LCA5: variants seen among roughly 807,000 people sequenced by gnomAD.
LCA5 encodes the protein lebercilin.
In LCA5, 37 loss-of-function variants were observed where a neutral mutation model predicts 53.0. That is an observed-to-expected ratio of 0.70 (90% confidence interval 0.54 to 0.92). LCA5 has a LOEUF of 0.92. Ranked by LOEUF, LCA5 falls within the 40% of genes least tolerant of loss-of-function variation. The pLI is 0.00. For missense variants in LCA5, 806 were observed against 790.5 expected (o/e 1.02, Z -0.23); for synonymous variants, 303 against 282.9 (o/e 1.07, Z -0.71).
At chr6:79,525,989 G>C (rs1277726293) in intron 1 of LCA5, among the ~76,000 whole-genome samples, 1 of 152,188 alleles carries the variant, frequency 6.6e-6, no homozygotes, top group African/African-American at 2.4e-5. Context: ...GGTGTATAGG[G>C]ATTTATACCC....
At chr6:79,498,243 A>G (rs1042561349) in intron 3 of LCA5, among the ~76,000 whole-genome samples, 21 of 152,090 alleles carry the variant, frequency 1.4e-4, no homozygotes, top group African/African-American at 4.3e-4. Flanking sequence ...CATGCATATT[A>G]TAAGACAAAT....
chr6:79,491,802 GTATA>G, intron 5 of LCA5, 72 bp from the exon 6 acceptor site: 1 of 1,159,430 alleles, frequency 8.6e-7, no homozygotes. Context: ...CAGCTGGCAT[GTATA>G]TATATATATG....
intron 1 of LCA5, among the ~76,000 whole-genome samples, chr6:79,535,112 T>C (rs1008823935): frequency 2.6e-5 from 4 of 152,196 alleles, no homozygotes; most frequent in African/African-American, 9.6e-5. Context: ...GTGTGTCTAC[T>C]GAAAAAAATG....
intron 3 of LCA5, among the ~76,000 whole-genome samples, chr6:79,510,163 A>T (rs549419923): frequency 1.3e-5 from 2 of 152,242 alleles, no homozygotes; most frequent in South Asian, 2.1e-4. Flanking sequence ...ATAGACACAC[A>T]GATCAACAGA....
At position 79,491,644 on chromosome 6, in the gene LCA5, G is replaced by T; in HGVS notation, c.1042C>A (p.Pro348Thr). Residue 348 changes from proline (P) to threonine (T), a missense_variant, in exon 6 of 8, where the codon CCA (proline) becomes ACA (threonine). Coordinates refer to ENST00000369846, the MANE Select transcript of LCA5 (RefSeq NM_001122769.3). ...DFKPEEYPLT[P>T]ETIMCYENKW... ...TTTTCGTAACACATAATTGTTTCTG[G>T]AGTTAAAGGATATTCTTCTGGCTTG... 1 of 1,613,120 alleles carries T rather than the reference G, an allele frequency of 6.2e-7. No individual in the cohort carries two copies. The highest frequency in any genetic ancestry group is 1.1e-5 in the South Asian group (1 of 91,064).
At chr6:79,494,044 C>T (rs889009040) in intron 3 of LCA5, among the ~76,000 whole-genome samples, 3 of 151,972 alleles carry the variant, frequency 2.0e-5, no homozygotes, top group Non-Finnish European at 4.4e-5. Flanking sequence ...GCAGGAGGAG[C>T]TCTTGAGACC....
intron 3 of LCA5, among the ~76,000 whole-genome samples, chr6:79,497,956 CAAAAAAAA>C (rs34167121): frequency 1.1e-5 from 1 of 92,780 alleles, no homozygotes; most frequent in African/African-American, 3.8e-5. Context: ...GACTCCATCT[CAAAAAAAA>C]AAAAAAAAAG....
intron 5 of LCA5, 57 bp from the exon 6 acceptor site, chr6:79,491,787 G>A (rs543483152): frequency 1.4e-6 from 2 of 1,462,976 alleles, no homozygotes; most frequent in South Asian, 2.3e-5. Context: ...AAAATATATG[G>A]AATTCAGCTG....
rs772807064 is a variant in LCA5, at chr6:79,487,880, A to G, written c.1232-14T>C. On this transcript the variant is annotated splice_polypyrimidine_tract_variant and intron_variant, in intron 7 of 7. Coordinates refer to ENST00000369846, the MANE Select transcript of LCA5 (RefSeq NM_001122769.3). The stretch of plus-strand genomic sequence containing the variant: ...CTCTTTCCCATTCTGTATGAAATCA[A>G]ATTTTTTAAATGGGATTTTGTAACA... The G allele has an allele frequency of 9.5e-6, 15 of 1,581,340 alleles. No individual in the cohort carries two copies. The highest frequency in any genetic ancestry group is 1.3e-5 in the Non-Finnish European group (15 of 1,158,930).
chr6:79,487,456 G>A lies in LCA5; in HGVS notation c.1642C>T (p.Pro548Ser), dbSNP rs185347145. Residue 548 changes from proline to serine, a missense_variant, in exon 8 of 8, where the codon CCT becomes TCT. Transcript: ENST00000369846. ...NSGNVRSPAS[P>S]NEFAFGSYVP... Reference sequence around the variant, plus strand: ...TAGCTACCAAATGCGAACTCATTAGGGGAGGCTGGACTTCTAACATTTCCT... The same window carrying A: ...TAGCTACCAAATGCGAACTCATTAGAGGAGGCTGGACTTCTAACATTTCCT... 4.5e-4 allele frequency: 722 copies of A among 1,613,958 alleles called. 6 individuals are homozygous for A. The East Asian group carries it at 0.011, about 24-fold the overall frequency.
intron 3 of LCA5, among the ~76,000 whole-genome samples, chr6:79,511,539 C>A (rs1419652058): frequency 6.6e-6 from 1 of 152,056 alleles, no homozygotes; most frequent in Non-Finnish European, 1.5e-5. Context: ...TGGTCTATAT[C>A]TTGATTATGT....
At chr6:79,527,618 C>T (rs970390588) in intron 1 of LCA5, among the ~76,000 whole-genome samples, 3 of 152,172 alleles carry the variant, frequency 2.0e-5, no homozygotes, top group Non-Finnish European at 2.9e-5. Context: ...CAGGGATGGA[C>T]GGTAAACACG....
chr6:79,489,568 A>G (rs554364390), intron 6 of LCA5, among the ~76,000 whole-genome samples: 1 of 152,266 alleles, frequency 6.6e-6, no homozygotes, highest in Non-Finnish European at 1.5e-5. Context: ...AGAAATGACT[A>G]TTCGCCAACT....
intron 3 of LCA5, among the ~76,000 whole-genome samples, chr6:79,509,430 G>C (rs1432824078): frequency 6.7e-6 from 1 of 149,918 alleles, no homozygotes; most frequent in Non-Finnish European, 1.5e-5. Flanking sequence ...CTCCAGCCTG[G>C]GCGACAGAGT....
chr6:79,530,186 T>G (rs1400440153), intron 1 of LCA5, among the ~76,000 whole-genome samples: 1 of 152,178 alleles, frequency 6.6e-6, no homozygotes, highest in African/African-American at 2.4e-5. Flanking sequence ...TCTCTAAATC[T>G]GTGAAGAATA....
At chr6:79,520,604 A>T (rs902335695) in intron 1 of LCA5, among the ~76,000 whole-genome samples, 1 of 152,224 alleles carries the variant, frequency 6.6e-6, no homozygotes, top group Middle Eastern at 3.2e-3. Context: ...TCGTTCTTCT[A>T]GTAATAACAT....
chr6:79,489,039 A>G (rs1160064179), intron 7 of LCA5, 45 bp downstream of exon 7: 2 of 1,606,790 alleles, frequency 1.2e-6, no homozygotes, highest in Admixed American at 3.3e-5. Flanking sequence ...TTCTTTCTCA[A>G]GGGATGCTGA....
chr6:79,494,759 T>C (rs1309440137), intron 3 of LCA5, among the ~76,000 whole-genome samples: 1 of 152,178 alleles, frequency 6.6e-6, no homozygotes, highest in Non-Finnish European at 1.5e-5. Context: ...TTAACTAAAT[T>C]CTGCTGTTCA....
intron 2 of LCA5, among the ~76,000 whole-genome samples, chr6:79,516,784 C>A (rs1454824097): frequency 6.6e-6 from 1 of 151,790 alleles, no homozygotes; most frequent in East Asian, 1.9e-4. Context: ...ATTGCTTTTT[C>A]TTCCTTCAGG....
Sources: gnomAD v4.1 joint callset for allele counts (sites outside exome capture counted in the v4.1 genomes callset) on GRCh38, gnomAD v4.1.1 for gene constraint, MANE v1.5 for transcripts, NCBI Gene and HGNC (gene_info 2026-07-23, HGNC 2026-07-21) for gene names.